RBFOX1: variants seen among roughly 807,000 people sequenced by gnomAD.
The protein encoded by RBFOX1 is RNA binding fox-1 homolog 1.
A neutral mutation model predicts 57.7 loss-of-function variants in RBFOX1; 8 were observed. The ratio of observed to expected loss-of-function variants is 0.14; its 90% confidence interval spans 0.08 to 0.25. The LOEUF is 0.25. Among genes scored for constraint, RBFOX1 ranks in the 10% least tolerant of loss-of-function variants. The pLI, the probability that RBFOX1 is intolerant of heterozygous loss-of-function variation, is 1.00. For synonymous variants in RBFOX1, 326 were observed against 222.4 expected (o/e 1.47, Z -4.15); for missense variants, 611 against 548.5 (o/e 1.11, Z -1.14).
chr16:7,255,867 T>C (rs1332447872), intron 4 of RBFOX1, among the ~76,000 whole-genome samples: 1 of 152,236 alleles, frequency 6.6e-6, no homozygotes, highest in Non-Finnish European at 1.5e-5. Flanking sequence ...TCACATTTCA[T>C]GTGTTCAATA....
intron 3 of RBFOX1, among the ~76,000 whole-genome samples, chr16:6,991,348 C>A (rs900777181): frequency 6.6e-6 from 1 of 152,040 alleles, no homozygotes; most frequent in African/African-American, 2.4e-5. Flanking sequence ...GCTAATACAT[C>A]TGTATGTACA....
At chr16:6,923,704 C>A (rs2074979887) in intron 3 of RBFOX1, among the ~76,000 whole-genome samples, 1 of 152,070 alleles carries the variant, frequency 6.6e-6, no homozygotes, top group South Asian at 2.1e-4. Flanking sequence ...CATTTTCTAG[C>A]CTTTAAAGCA....
At chr16:7,649,109 A>G (rs183042432) in intron 11 of RBFOX1, among the ~76,000 whole-genome samples, 4 of 152,306 alleles carry the variant, frequency 2.6e-5, no homozygotes, top group African/African-American at 7.2e-5. Flanking sequence ...AAGCTTATAA[A>G]GAAAGTAAAA....
intron 1 of RBFOX1, among the ~76,000 whole-genome samples, chr16:6,165,935 A>T (rs2152754307): frequency 6.6e-6 from 1 of 152,256 alleles, no homozygotes; most frequent in Admixed American, 6.5e-5. Context: ...AATTGCCGGG[A>T]TGTTGTCATC....
At chr16:6,786,173 C>T (rs534938167) in intron 3 of RBFOX1, among the ~76,000 whole-genome samples, 64 of 152,266 alleles carry the variant, frequency 4.2e-4, no homozygotes, top group African/African-American at 1.5e-3. Context: ...GGCGAAGATT[C>T]CCATGACCCT....
rs984114609 is a variant in RBFOX1 at position 7,283,348 on chromosome 16, G to C, written c.27+231250G>C. 1.3e-4 allele frequency among the ~76,000 whole-genome samples: 20 copies of C among 151,916 alleles called. 1 individual carries two copies. Among genetic ancestry groups the C allele is most frequent in the African/African-American group, 4.8e-4 (20 of 41,356 alleles). On this transcript the variant is annotated intron_variant, in intron 4 of 15. Coordinates refer to ENST00000550418, the MANE Select transcript of RBFOX1 (RefSeq NM_018723.4). ...CTCTATACTCCAATCCAGCATTCCT[G>C]ACAGGGAGAAGATCTCATTGAACCA...
At chr16:7,538,159 C>T (rs1014581731) in intron 5 of RBFOX1, among the ~76,000 whole-genome samples, 6 of 152,056 alleles carry the variant, frequency 3.9e-5, no homozygotes, top group Non-Finnish European at 7.4e-5. Flanking sequence ...TAGAGGAGAA[C>T]GAGGACCTGC....
chr16:6,892,572 A>C (rs1237720903), intron 3 of RBFOX1, among the ~76,000 whole-genome samples: 2 of 152,184 alleles, frequency 1.3e-5, no homozygotes, highest in East Asian at 3.9e-4. Flanking sequence ...CAGGAGCCTG[A>C]GGCAGAAGGA....
intron 2 of RBFOX1, among the ~76,000 whole-genome samples, chr16:6,600,051 G>T (rs893088531): frequency 6.6e-6 from 1 of 152,188 alleles, no homozygotes; most frequent in African/African-American, 2.4e-5. Flanking sequence ...GCACTGCTGG[G>T]ACTGGAACAT....
intron 2 of RBFOX1, among the ~76,000 whole-genome samples, chr16:6,553,408 GGAGA>G (rs1032874698): frequency 2.0e-5 from 3 of 152,202 alleles, no homozygotes; most frequent in Non-Finnish European, 2.9e-5. Flanking sequence ...TGGATAGAAA[GGAGA>G]ATGCTCTTTT....
intron 1 of RBFOX1, among the ~76,000 whole-genome samples, chr16:6,043,718 G>T (rs532536289): frequency 2.0e-5 from 3 of 152,252 alleles, no homozygotes; most frequent in African/African-American, 7.2e-5. Context: ...CTTTTCCCAG[G>T]AAGCCAGTAT....
chr16:7,589,682 T>A (rs371251428), intron 7 of RBFOX1, among the ~76,000 whole-genome samples: 6 of 152,022 alleles, frequency 3.9e-5, no homozygotes, highest in African/African-American at 1.4e-4. Context: ...GGGATATTTT[T>A]CATAGTTGAC....
chr16:6,923,790 A>G (rs1178933922), intron 3 of RBFOX1, among the ~76,000 whole-genome samples: 1 of 152,150 alleles, frequency 6.6e-6, no homozygotes, highest in Non-Finnish European at 1.5e-5. Flanking sequence ...GGAGTCCAAT[A>G]AAGGATTTGC....
chr16:6,960,767 T>C (rs981815250), intron 3 of RBFOX1, among the ~76,000 whole-genome samples: 2 of 152,076 alleles, frequency 1.3e-5, no homozygotes, highest in South Asian at 4.2e-4. Context: ...CTTTGAGCTC[T>C]TCAATCATCA....
intron 10 of RBFOX1, among the ~76,000 whole-genome samples, chr16:7,622,091 G>A (rs1166667377): frequency 6.6e-6 from 1 of 152,140 alleles, no homozygotes; most frequent in South Asian, 2.1e-4. Context: ...GGGGCTCGGG[G>A]GAGGGGAGCA....
intron 3 of RBFOX1, among the ~76,000 whole-genome samples, chr16:7,026,389 A>G (rs2040940817): frequency 3.3e-5 from 5 of 152,224 alleles, no homozygotes. Context: ...TCAAAATTGC[A>G]GAATTAAGTG....
chr16:7,131,032 T>C (rs1224378482), intron 4 of RBFOX1, among the ~76,000 whole-genome samples: 3 of 152,118 alleles, frequency 2.0e-5, no homozygotes, highest in Non-Finnish European at 4.4e-5. Context: ...GACTTTGAAT[T>C]GCCTTTTTAA....
chr16:6,472,092 C>A, intron 2 of RBFOX1, among the ~76,000 whole-genome samples: 1 of 152,102 alleles, frequency 6.6e-6, no homozygotes, highest in African/African-American at 2.4e-5. Context: ...CAGACTCTAC[C>A]GACAAATTTA....
chr16:6,394,199 A>G (rs982368952), intron 2 of RBFOX1, among the ~76,000 whole-genome samples: 2 of 152,184 alleles, frequency 1.3e-5, no homozygotes, highest in Admixed American at 6.5e-5. Context: ...AAGTTGACAT[A>G]TTGTTTGACC....
Sources: allele counts gnomAD v4.1 joint callset (sites outside exome capture counted in the v4.1 genomes callset), GRCh38; gene constraint gnomAD v4.1.1; transcripts MANE v1.5; gene names NCBI Gene and HGNC (gene_info 2026-07-23, HGNC 2026-07-21).